The following PLAA variants were observed in gnomAD, a reference collection of about 807,000 sequenced individuals.
PLAA encodes the protein phospholipase A-2-activating protein.
PLAA carries 48 observed loss-of-function variants against 84.1 expected under a neutral mutation model. The ratio of observed to expected loss-of-function variants is 0.57; its 90% CI spans 0.45 to 0.73. The LOEUF is 0.73. Ranked by LOEUF, PLAA falls within the 30% of genes least tolerant of loss-of-function variation. The pLI is 0.00. For missense variants in PLAA, 903 were observed against 954.7 expected, an observed-to-expected ratio of 0.95 and a Z score of 0.71; for synonymous variants, 392 against 336.6, an observed-to-expected ratio of 1.16 and a Z score of -1.80.
chr9:26,921,119 C>G (rs1824743642), intron 7 of PLAA, among the ~76,000 whole-genome samples: 1 of 152,142 alleles, frequency 6.6e-6, no homozygotes, highest in African/African-American at 2.4e-5. Flanking sequence ...ACTATTCCCC[C>G]TGTCCCCTCA....
At chr9:26,929,017 G>A (rs1419065024) in intron 2 of PLAA, among the ~76,000 whole-genome samples, 1 of 151,864 alleles carries the variant, frequency 6.6e-6, no homozygotes, top group Non-Finnish European at 1.5e-5. Flanking sequence ...GGGCAATGTG[G>A]AGAGACCTCA....
At chr9:26,934,265 G>C (rs1305671419) in intron 2 of PLAA, among the ~76,000 whole-genome samples, 3 of 152,044 alleles carry the variant, frequency 2.0e-5, no homozygotes, top group Non-Finnish European at 4.4e-5. Context: ...AATTATCACA[G>C]AATCAGGAAT....
At chr9:26,922,725 G>A (rs1033254024) in intron 7 of PLAA, among the ~76,000 whole-genome samples, 2 of 150,576 alleles carry the variant, frequency 1.3e-5, no homozygotes, top group African/African-American at 4.9e-5. Flanking sequence ...GGAATGCAAT[G>A]GTGTGGTGTC....
intron 4 of PLAA, 56 bp from the exon 5 acceptor site, chr9:26,926,616 C>T: frequency 7.8e-7 from 1 of 1,280,594 alleles, no homozygotes; most frequent in Non-Finnish European, 1.1e-6. Flanking sequence ...GCTGATGGCT[C>T]TATACATTTT....
rs73431887 is a variant in PLAA at position 26,903,899 on chromosome 9, T to C, written c.*1612A>G. Among the ~76,000 whole-genome samples, 867 of 152,324 alleles carry C rather than the reference T, an allele frequency of 5.7e-3. 10 individuals are homozygous for C. The highest frequency in any genetic ancestry group is 0.02 in the African/African-American group (814 of 41,580). On this transcript the variant is annotated 3_prime_UTR_variant, in exon 14 of 14. Coordinates refer to ENST00000397292, the MANE Select transcript of PLAA (RefSeq NM_001031689.3). ...CAAAGGTACCTACTTTTCCTAAATATTGCAATTAAATTATTTGTACTTAAG... is the reference window on the plus strand; with the variant it reads ...CAAAGGTACCTACTTTTCCTAAATACTGCAATTAAATTATTTGTACTTAAG...
chr9:26,905,978 T>G lies in PLAA; in HGVS notation c.1921A>C (p.Ser641Arg), dbSNP rs781186209. 6.2e-7 allele frequency: 1 copy of G among 1,614,136 alleles called. No homozygotes were observed. The highest frequency in any genetic ancestry group is 8.5e-7 in the Non-Finnish European group (1 of 1,180,004). The stretch of plus-strand genomic sequence containing the variant: ...GGGTTCAGAAGATTGATAAGATGAC[T>G]GCTGAACTGAGCCCCTTCCTTTTCA... ...CNEKEGAQFSSHLINLLNPKG... is the reference protein window; with the variant it reads ...CNEKEGAQFSRHLINLLNPKG... Residue 641 changes from serine (S) to arginine (R), a missense_variant, in exon 14 of 14, where the codon AGT becomes CGT. Physicochemically the swap from Ser to Arg is moderately radical, Grantham distance 110. Transcript: ENST00000397292.
chr9:26,905,766 A>G lies in PLAA; in HGVS notation c.2133T>C (p.Val711=). The G allele has an allele frequency of 6.2e-7, 1 of 1,614,212 alleles. No homozygotes were observed. Among genetic ancestry groups the G allele is most frequent in the South Asian group, 1.1e-5 (1 of 91,088 alleles). ...CAATGTTATGGTCTTTATGAAAACA[A>G]ACAGAATAGTTCAGGGCCAATGTAG... is the stretch of plus-strand genomic sequence containing the variant. ...ALATLALNYS[V]CFHKDHNIEG... The change falls in exon 14 of 14, where the codon GTT becomes GTC. Residue 711 remains valine (V), a synonymous_variant. Coordinates refer to ENST00000397292, the MANE Select transcript of PLAA (RefSeq NM_001031689.3).
Position 26,915,872 on chromosome 9 carries a change from T to C in PLAA, c.1486+1225A>G, listed in dbSNP as rs977608187. 1.0e-5 allele frequency: 10 copies of C among 985,298 alleles called. No individual in the cohort carries two copies. In the African/African-American group the frequency reaches 1.7e-4, roughly 17 times the overall value. The allele number at this position is 985,298 out of a possible 1,614,324, so 61.0% of individuals were successfully genotyped here. On this transcript the variant is annotated intron_variant, in intron 10 of 13. Coordinates refer to ENST00000397292, the MANE Select transcript of PLAA (RefSeq NM_001031689.3). ...CAGAAAAAAAGCCGCCAAAGTGATT[T>C]GGATTCTCACTTGGTATTAAGTTTC...
At chr9:26,932,620 T>G (rs945914119) in intron 2 of PLAA, among the ~76,000 whole-genome samples, 1 of 152,186 alleles carries the variant, frequency 6.6e-6, no homozygotes, top group Non-Finnish European at 1.5e-5. Context: ...AACCCCTGTT[T>G]TAGAGCCACA....
rs1587204942 is a variant in PLAA, at chr9:26,946,830, G to A, written c.149+67C>T. The stretch of plus-strand genomic sequence containing the variant: ...GAGACGGCAGGACTGACAGGGAAGG[G>A]TCACTCTCCTTCCACTCTCCGGGAA... On this transcript the variant is annotated intron_variant, in intron 1 of 13. Coordinates refer to ENST00000397292, the MANE Select transcript of PLAA (RefSeq NM_001031689.3). The A allele has an allele frequency of 2.0e-6, 3 of 1,473,602 alleles. No homozygotes were observed. The East Asian group carries it at 7.6e-5, about 37-fold the overall frequency. The allele number at this position is 1,473,602 out of a possible 1,614,324, so 91.3% of individuals were successfully genotyped here. A position where few individuals can be genotyped will look rare whatever the true frequency, so the allele number is the denominator to read the frequency against.
chr9:26,929,919 C>T (rs1306607815), intron 2 of PLAA, among the ~76,000 whole-genome samples: 6 of 152,072 alleles, frequency 3.9e-5, no homozygotes, highest in Admixed American at 3.9e-4. Context: ...ATGGTACTTT[C>T]CTCCTCCATT....
chr9:26,905,719 G>C lies in PLAA; in HGVS notation c.2180C>G (p.Ser727Ter). 1 of 1,614,134 alleles carries C rather than the reference G, an allele frequency of 6.2e-7. No homozygotes were observed. The highest frequency in any genetic ancestry group is 8.5e-7 in the Non-Finnish European group (1 of 1,179,988). ...TACTTCCAAGATTGTGCTAATTAGT[G>C]ACAAACATTGGGCTTTCCCTTCAAT... ...HNIEGKAQCL[S>*]LISTILEVVQ... Residue 727 changes from serine (S) to a stop codon, truncating the protein, a stop_gained, in exon 14 of 14, where the codon TCA becomes TGA. Coordinates refer to ENST00000397292, the MANE Select transcript of PLAA (RefSeq NM_001031689.3). LOFTEE classifies it high-confidence loss of function.
intron 7 of PLAA, 95 bp downstream of exon 7, chr9:26,923,083 G>A (rs1310669815): frequency 6.5e-6 from 6 of 924,682 alleles, no homozygotes; most frequent in Middle Eastern, 2.3e-4. Flanking sequence ...ATCTAGCAAT[G>A]AAAAACACAA....
chr9:26,912,124 C>T (rs1292825837), intron 11 of PLAA, among the ~76,000 whole-genome samples: 1 of 152,098 alleles, frequency 6.6e-6, no homozygotes, highest in African/African-American at 2.4e-5. Context: ...AGCAAGGACA[C>T]ATGTGGGTGT....
chr9:26,936,907 G>A (rs1040944561), intron 1 of PLAA, among the ~76,000 whole-genome samples: 2 of 152,138 alleles, frequency 1.3e-5, no homozygotes, highest in Non-Finnish European at 2.9e-5. Flanking sequence ...TTGGGAGGCC[G>A]AGGTGGGTAG....
intron 2 of PLAA, among the ~76,000 whole-genome samples, chr9:26,930,127 C>T (rs1825132129): frequency 6.9e-6 from 1 of 145,316 alleles, no homozygotes; most frequent in African/African-American, 2.5e-5. Context: ...TTTTTTGAGA[C>T]AGAGTCTCGC....
intron 4 of PLAA, among the ~76,000 whole-genome samples, chr9:26,927,149 C>T (rs932647218): frequency 1.6e-4 from 16 of 98,056 alleles, no homozygotes; most frequent in African/African-American, 7.3e-4. Context: ...GAGATGGAGT[C>T]TCACTTTGTG....
chr9:26,920,411 A>T, intron 7 of PLAA, 27 bp from the exon 8 acceptor site: 2 of 1,491,614 alleles, frequency 1.3e-6, no homozygotes. Context: ...TAAGAATCAA[A>T]GGTAGAATGG....
intron 1 of PLAA, 58 bp from the exon 2 acceptor site, chr9:26,935,264 T>C: frequency 8.9e-7 from 1 of 1,128,518 alleles, no homozygotes; most frequent in Non-Finnish European, 1.2e-6. Context: ...GCCTAGGACA[T>C]AAACTGTCAA....
Sources: gnomAD v4.1 joint callset for allele counts (sites outside exome capture counted in the v4.1 genomes callset) on GRCh38, gnomAD v4.1.1 for gene constraint, MANE v1.5 for transcripts, NCBI Gene and HGNC (gene_info 2026-07-23, HGNC 2026-07-21) for gene names.